The following GPC5 variants were observed in gnomAD, a reference collection of about 807,000 sequenced individuals.
GPC5 encodes glypican-5.
GPC5 carries 47 observed loss-of-function variants against 53.9 expected under a neutral mutation model. The observed-to-expected ratio is 0.87, with a 90% CI of 0.69 to 1.11. The LOEUF (loss-of-function observed/expected upper bound fraction) is 1.11, where lower values mean the gene tolerates loss of function less well. Among genes scored for constraint, GPC5 ranks in the 50% most tolerant of loss-of-function variants. The pLI, the probability that GPC5 is intolerant of heterozygous loss-of-function variation, is 0.00. For synonymous variants in GPC5, 286 were observed against 263.3 expected, an observed-to-expected ratio of 1.09 and a Z score of -0.84; for missense variants, 748 against 713.1, an observed-to-expected ratio of 1.05 and a Z score of -0.56.
intron 4 of GPC5, among the ~76,000 whole-genome samples, chr13:91,755,482 G>A (rs887169325): frequency 1.3e-5 from 2 of 152,008 alleles, no homozygotes; most frequent in African/African-American, 4.8e-5. Flanking sequence ...TCATAATGAA[G>A]GCCTTTAGGA....
intron 7 of GPC5, among the ~76,000 whole-genome samples, chr13:92,351,626 A>G (rs780875108): frequency 2.0e-5 from 3 of 152,116 alleles, no homozygotes; most frequent in South Asian, 2.1e-4. Context: ...ATTATTTGAT[A>G]TAATACAAGT....
intron 7 of GPC5, among the ~76,000 whole-genome samples, chr13:92,792,981 C>T (rs1343284779): frequency 6.6e-6 from 1 of 152,096 alleles, no homozygotes; most frequent in Non-Finnish European, 1.5e-5. Context: ...ATGAACGAGA[C>T]AGAAGGTTAT....
At chr13:91,403,271 A>C (rs1443721227) in intron 1 of GPC5, among the ~76,000 whole-genome samples, 1 of 152,218 alleles carries the variant, frequency 6.6e-6, no homozygotes, top group African/African-American at 2.4e-5. Flanking sequence ...TAGTAAAATT[A>C]GATTCATTTT....
chr13:91,601,170 TA>T (rs2033168797), intron 2 of GPC5, among the ~76,000 whole-genome samples: 2 of 152,260 alleles, frequency 1.3e-5, no homozygotes, highest in African/African-American at 4.8e-5. Flanking sequence ...AGTTATTTTT[TA>T]AAAACAACCA....
rs149073597 is a variant in GPC5, at chr13:92,625,576, AT to A, written c.1562-240703del. Among the ~76,000 whole-genome samples the A allele has an allele frequency of 3.7e-3, 559 of 152,288 alleles. 4 individuals are homozygous for A. The highest frequency in any genetic ancestry group is 9.2e-3 in the Admixed American group (140 of 15,296). On this transcript the variant is annotated intron_variant, in intron 7 of 7. Coordinates refer to ENST00000377067, the MANE Select transcript of GPC5 (RefSeq NM_004466.6). ...GAACAAGTAAATTTGTCCTGGTGCA[AT>A]TTGCTGCTGAGCCTTCTGCCAGCTT...
intron 7 of GPC5, among the ~76,000 whole-genome samples, chr13:92,195,571 A>G (rs1319824552): frequency 2.0e-5 from 3 of 152,100 alleles, no homozygotes; most frequent in Non-Finnish European, 4.4e-5. Context: ...ATATGCTTCT[A>G]CTGACACCAC....
At chr13:92,370,248 T>C (rs1279276467) in intron 7 of GPC5, among the ~76,000 whole-genome samples, 1 of 152,236 alleles carries the variant, frequency 6.6e-6, no homozygotes, top group Non-Finnish European at 1.5e-5. Flanking sequence ...TATTTGGTTC[T>C]TAGGTGCATG....
chr13:92,264,872 CTCTCTCTGTGTGTGTG>C (rs1407765995), intron 7 of GPC5, among the ~76,000 whole-genome samples: 5 of 117,436 alleles, frequency 4.3e-5, no homozygotes, highest in African/African-American at 2.0e-4. Flanking sequence ...CTCTCTCTCT[CTCTCTCTGTGTGTGTG>C]TGTGTGTGTG....
intron 6 of GPC5, among the ~76,000 whole-genome samples, chr13:92,071,921 GTAT>G (rs889267497): frequency 2.8e-5 from 4 of 143,894 alleles, no homozygotes; most frequent in African/African-American, 1.0e-4. Context: ...TGTATATAAT[GTAT>G]TATTTTATAC....
chr13:91,498,711 C>T (rs1884445900), intron 2 of GPC5, among the ~76,000 whole-genome samples: 1 of 152,056 alleles, frequency 6.6e-6, no homozygotes, highest in Non-Finnish European at 1.5e-5. Flanking sequence ...AGTTAGAAAG[C>T]TATTGCAGTT....
intron 7 of GPC5, among the ~76,000 whole-genome samples, chr13:92,156,055 A>G (rs557218045): frequency 3.9e-5 from 6 of 152,282 alleles, no homozygotes; most frequent in Admixed American, 2.6e-4. Flanking sequence ...AGCTTTTCTA[A>G]ATCTACTGAG....
chr13:92,588,819 A>T (rs1883626267), intron 7 of GPC5, among the ~76,000 whole-genome samples: 2 of 152,200 alleles, frequency 1.3e-5, no homozygotes, highest in Admixed American at 1.3e-4. Context: ...TACAGTTGGC[A>T]TCCTGGGTCA....
At chr13:92,440,849 A>AT (rs761704893) in intron 7 of GPC5, among the ~76,000 whole-genome samples, 10 of 151,992 alleles carry the variant, frequency 6.6e-5, no homozygotes, top group East Asian at 1.9e-4. Context: ...GATGATGAGC[A>AT]TTTTTTCTTA....
intron 6 of GPC5, among the ~76,000 whole-genome samples, chr13:91,982,352 A>G (rs2040367217): frequency 6.6e-6 from 1 of 152,252 alleles, no homozygotes; most frequent in Non-Finnish European, 1.5e-5. Context: ...GCAAAAGACT[A>G]TTAAAACTGT....
At chr13:92,845,456 GAT>G (rs1878582060) in intron 7 of GPC5, among the ~76,000 whole-genome samples, 1 of 152,128 alleles carries the variant, frequency 6.6e-6, no homozygotes, top group Non-Finnish European at 1.5e-5. Context: ...GGAAAAAAGT[GAT>G]GTCTCAGTTT....
intron 6 of GPC5, among the ~76,000 whole-genome samples, chr13:91,977,390 T>C (rs897955616): frequency 7.2e-5 from 11 of 152,238 alleles, no homozygotes; most frequent in African/African-American, 2.2e-4. Context: ...CAATTTGTTA[T>C]AATTAAGCAA....
At chr13:92,471,683 A>T (rs979364564) in intron 7 of GPC5, among the ~76,000 whole-genome samples, 5 of 152,154 alleles carry the variant, frequency 3.3e-5, no homozygotes, top group African/African-American at 7.2e-5. Context: ...GAGAATTTCA[A>T]GGAGTTGCAG....
chr13:91,795,478 A>G (rs2038032275), intron 5 of GPC5, among the ~76,000 whole-genome samples: 3 of 152,194 alleles, frequency 2.0e-5, no homozygotes, highest in Admixed American at 6.5e-5. Flanking sequence ...TTCTTGGCAT[A>G]TCTATTTTAG....
intron 7 of GPC5, among the ~76,000 whole-genome samples, chr13:92,594,843 T>C (rs575338204): frequency 1.3e-5 from 2 of 152,358 alleles, no homozygotes; most frequent in East Asian, 3.9e-4. Context: ...ACACTCATAA[T>C]CATCGCTGCT....
Sources: allele counts gnomAD v4.1 joint callset (sites outside exome capture counted in the v4.1 genomes callset), GRCh38; gene constraint gnomAD v4.1.1; transcripts MANE v1.5; gene names NCBI Gene and HGNC (gene_info 2026-07-23, HGNC 2026-07-21).